NCL: variants seen among roughly 807,000 people sequenced by gnomAD.
NCL encodes the protein nucleolin multifunctional protein.
NCL carries 4 observed loss-of-function variants against 77.7 expected under a neutral mutation model. That is an observed-to-expected ratio of 0.05 (90% CI 0.03 to 0.12). The LOEUF is 0.12. Ranked by LOEUF, NCL falls within the 10% of genes least tolerant of loss-of-function variation. The pLI is 1.00. For synonymous variants in NCL, 344 were observed against 297.8 expected (o/e 1.16, Z -1.60); for missense variants, 763 against 860.9 (o/e 0.89, Z 1.42).
intron 3 of NCL, 121 bp from the exon 4 acceptor site, chr2:231,460,987 G>T: frequency 1.2e-6 from 1 of 843,024 alleles, no homozygotes; most frequent in Non-Finnish European, 2.0e-6. Flanking sequence ...GGCAAGAATA[G>T]ATCACTTGGG....
chr2:231,456,930 TGACCTTAC>T (rs1179057464), intron 10 of NCL, 63 bp downstream of exon 10: 14 of 1,579,016 alleles, frequency 8.9e-6, no homozygotes, highest in Non-Finnish European at 1.2e-5. Context: ...CAGGATCACA[TGACCTTAC>T]GTTCCTTTAG....
intron 2 of NCL, chr2:231,462,502 T>C (rs2046962137): frequency 2.0e-6 from 1 of 497,518 alleles, no homozygotes; most frequent in Admixed American, 2.1e-5. Flanking sequence ...ATAGGCTAAA[T>C]ATAAATATTC....
In NCL at chr2:231,454,635, T is replaced by C. The variant is rs1227232087; in HGVS notation, c.*556A>G. On this transcript the variant is annotated 3_prime_UTR_variant, in exon 14 of 14. Coordinates refer to ENST00000322723, the MANE Select transcript of NCL (RefSeq NM_005381.3). ...ACCAAGTTAGTTAGGGCTGGGATAC[T>C]GGAAACACGCACTAAGCCATTTCCA... 1 of 153,724 alleles carries C rather than the reference T, an allele frequency of 6.5e-6. No individual in the cohort carries two copies. The highest frequency in any genetic ancestry group is 1.4e-5 in the Non-Finnish European group (1 of 69,158). 9.5% of individuals were successfully genotyped at this position (153,724 alleles called of 1,614,324 possible). A position where few individuals can be genotyped will look rare whatever the true frequency, so the allele number is the denominator to read the frequency against.
chr2:231,456,281 T>A, intron 11 of NCL, 145 bp from the exon 12 acceptor site: 1 of 1,048,704 alleles, frequency 9.5e-7, no homozygotes, highest in Non-Finnish European at 1.4e-6. Context: ...AGTCCTTAAT[T>A]AAAGTAAAGG....
chr2:231,457,494 A>G (rs1239009243), intron 9 of NCL, 149 bp downstream of exon 9: 1 of 853,598 alleles, frequency 1.2e-6, no homozygotes, highest in Non-Finnish European at 1.9e-6. Context: ...TATTCCAAAT[A>G]AGAGTATGAC....
rs1387286449 is a variant in NCL, at chr2:231,464,432, G to C, written c.-79C>G. The C allele has an allele frequency of 1.9e-6, 3 of 1,546,934 alleles. No individual in the cohort carries two copies. Among genetic ancestry groups the C allele is most frequent in the Non-Finnish European group, 2.6e-6 (3 of 1,139,380 alleles). ...CAAGCGACGGCGATGGCGGCCGCGG[G>C]TGCTGAAGATCCCGGAGCACGTACA... On this transcript the variant is annotated 5_prime_UTR_variant, in exon 1 of 14. Coordinates refer to ENST00000322723, the MANE Select transcript of NCL (RefSeq NM_005381.3).
At chr2:231,457,579 T>A in intron 9 of NCL, 64 bp downstream of exon 9, 3 of 1,431,460 alleles carry the variant, frequency 2.1e-6, no homozygotes, top group Middle Eastern at 1.8e-4. Flanking sequence ...ACTTATGAAA[T>A]ACAAAGACAC....
At position 231,461,594 on chromosome 2, in the gene NCL, C is replaced by T. The variant is rs1272564811; in HGVS notation, c.559G>A (p.Glu187Lys). ...TCATCTTCGTCATCCTCATCGTCCT[C>T]ATCCTCTGAGGCAGGGGCAGCAGCT... ...AAAAAPASED[E>K]DDEDDEDDED... Residue 187 changes from glutamate to lysine, a missense_variant, in exon 3 of 14, where the codon GAG (glutamate) becomes AAG (lysine). Transcript: ENST00000322723. The T allele has an allele frequency of 2.5e-6, 4 of 1,611,190 alleles. No homozygotes were observed. Among genetic ancestry groups the T allele is most frequent in the Non-Finnish European group, 3.4e-6 (4 of 1,177,278 alleles).
chr2:231,456,928 C>G (rs1472938986), intron 10 of NCL, 73 bp downstream of exon 10: 1 of 1,578,058 alleles, frequency 6.3e-7, no homozygotes, highest in East Asian at 2.2e-5. Context: ...GACAGGATCA[C>G]ATGACCTTAC....
Position 231,464,321 on chromosome 2 carries a change from C to T in NCL, c.18+15G>A. The T allele has an allele frequency of 1.3e-6, 2 of 1,589,598 alleles. No individual in the cohort carries two copies. Among genetic ancestry groups the T allele is most frequent in the African/African-American group, 1.3e-5 (1 of 74,416 alleles). On this transcript the variant is annotated intron_variant, in intron 1 of 13. Transcript: ENST00000322723. ...GCAGGCCTACACGTCTGCGCTCGCGCTCAAGGCCGTTTACCTTCGCGAGCT... is the reference window on the plus strand; with the variant it reads ...GCAGGCCTACACGTCTGCGCTCGCGTTCAAGGCCGTTTACCTTCGCGAGCT...
At chr2:231,463,736 G>C (rs989007102) in intron 1 of NCL, 1 of 171,306 alleles carries the variant, frequency 5.8e-6, no homozygotes, top group African/African-American at 2.4e-5. Context: ...CTTTCCCAGC[G>C]AGACAACCCC....
Position 231,461,890 on chromosome 2 carries a change from T to C in NCL, c.263A>G (p.Lys88Arg). The C allele has an allele frequency of 1.2e-6, 2 of 1,614,216 alleles. No homozygotes were observed. Among genetic ancestry groups the C allele is most frequent in the Middle Eastern group, 3.3e-4 (2 of 6,062 alleles). The change falls in exon 3 of 14, where the codon AAG becomes AGG. Residue 88 changes from lysine to arginine, a missense_variant. Physicochemically the swap from Lys to Arg is conservative, Grantham distance 26. Around this residue, in one of 2 missense-constraint regions of NCL, gnomAD observed 590 missense variants for 570.5 expected, o/e 1.03. Coordinates refer to ENST00000322723, the MANE Select transcript of NCL (RefSeq NM_005381.3). ...AKKAAVTPGK[K>R]AAATPAKKTV... ...CTTCTTGGCAGGTGTTGCTGCTGCC[T>C]TTTTGCCTGGAGTGACAGCTGCTTT...
At chr2:231,458,548 TC>T in intron 7 of NCL, 159 bp from the exon 8 acceptor site, 1 of 912,322 alleles carries the variant, frequency 1.1e-6, no homozygotes, top group Non-Finnish European at 1.6e-6. Flanking sequence ...TATAGCAGTG[TC>T]AACACACAAG....
rs759270884 is a variant in NCL, at chr2:231,461,544, T to TTCCTCATCGTCATCGTCA, written c.591_608dup (p.Asp197_Glu202dup). 2 of 1,613,324 alleles carry TTCCTCATCGTCATCGTCA rather than the reference T, an allele frequency of 1.2e-6. No homozygotes were observed. Among genetic ancestry groups the TTCCTCATCGTCATCGTCA allele is most frequent in the South Asian group, 1.1e-5 (1 of 91,062 alleles). On this transcript the variant is annotated inframe_insertion, in exon 3 of 14. Transcript: ENST00000322723. The stretch of plus-strand genomic sequence containing the variant: ...ACTACCAAGACAACTCCTTACCATC[T>TTCCTCATCGTCATCGTCA]TCCTCATCGTCATCGTCATCCTCAT...
chr2:231,464,280 G>A, intron 1 of NCL, 56 bp downstream of exon 1: 2 of 1,545,734 alleles, frequency 1.3e-6, no homozygotes, highest in Non-Finnish European at 1.8e-6. Context: ...GCGGCGCCGC[G>A]CTCGCCCCTC....
intron 2 of NCL, chr2:231,462,866 T>G: frequency 3.2e-6 from 1 of 310,226 alleles, no homozygotes; most frequent in Non-Finnish European, 6.0e-6. Context: ...GGTAAGGTTA[T>G]CCTCAGCTCT....
chr2:231,460,340 G>C (rs1337278045), intron 5 of NCL, 47 bp from the exon 6 acceptor site: 2 of 1,612,660 alleles, frequency 1.2e-6, no homozygotes, highest in Admixed American at 1.7e-5. Flanking sequence ...GTGGTAAAAA[G>C]TTAGTTTCCA....
At chr2:231,462,549 T>TAG (rs769989136) in intron 2 of NCL, 41 of 515,964 alleles carry the variant, frequency 7.9e-5, no homozygotes, top group Non-Finnish European at 1.4e-4. Context: ...GTGTGCATGG[T>TAG]AGTTTGATAA....
At chr2:231,455,330 T>A (rs117722872) in intron 13 of NCL, 63 bp from the exon 14 acceptor site, 2 of 1,613,122 alleles carry the variant, frequency 1.2e-6, no homozygotes, top group African/African-American at 2.7e-5. Context: ...CCCCAGTGAT[T>A]AGGAACCGTG....
Sources: allele counts gnomAD v4.1 joint callset, GRCh38; gene constraint gnomAD v4.1.1; regional missense constraint gnomAD v4.1.1; transcripts MANE v1.5; gene names NCBI Gene and HGNC (gene_info 2026-07-23, HGNC 2026-07-21).